TMEM178A: variants seen among roughly 807,000 people sequenced by gnomAD.
The protein encoded by TMEM178A is transmembrane protein 178A.
Under a neutral mutation model 29.1 loss-of-function variants are expected in TMEM178A, and 12 were observed. The observed-to-expected ratio is 0.41, with a 90% CI of 0.26 to 0.67. The LOEUF (loss-of-function observed/expected upper bound fraction) is 0.67. Ranked by LOEUF, TMEM178A falls within the 30% of genes least tolerant of loss-of-function variation. TMEM178A has a pLI of 0.29. For missense variants in TMEM178A, 366 were observed against 419.1 expected, an observed-to-expected ratio of 0.87 and a Z score of 1.11; for synonymous variants, 210 against 187.2, an observed-to-expected ratio of 1.12 and a Z score of -0.99.
chr2:39,732,254 G>C, the TMEM178A span, among the ~76,000 whole-genome samples: 2 of 152,170 alleles, frequency 1.3e-5, no homozygotes, highest in Admixed American at 1.3e-4. Context: ...AACTTGCAGA[G>C]TCATCTGTAA....
rs370203595 is a variant in TMEM178A at position 39,704,049 on chromosome 2, A to G, written c.401-32A>G. On this transcript the variant is annotated intron_variant, in intron 1 of 3. Coordinates refer to ENST00000281961, the MANE Select transcript of TMEM178A (RefSeq NM_152390.3). Reference sequence around the variant, plus strand: ...TCAGAATTCTGTTACAAATAAGCAGACTCGTAAATCGCGTTTCTTATTTCC... The same window carrying G: ...TCAGAATTCTGTTACAAATAAGCAGGCTCGTAAATCGCGTTTCTTATTTCC... 41 of 1,586,570 alleles carry G rather than the reference A, an allele frequency of 2.6e-5. No individual in the cohort carries two copies. The South Asian group carries it at 4.2e-4, about 16-fold the overall frequency.
intron 1 of TMEM178A, among the ~76,000 whole-genome samples, chr2:39,691,683 C>T (rs1365950889): frequency 6.6e-6 from 1 of 152,106 alleles, no homozygotes; most frequent in Middle Eastern, 3.2e-3. Flanking sequence ...AATGTCTACA[C>T]TCCCATGTTC....
chr2:39,725,187 G>A, the TMEM178A span, among the ~76,000 whole-genome samples: 1 of 152,128 alleles, frequency 6.6e-6, no homozygotes, highest in African/African-American at 2.4e-5. Flanking sequence ...AGAGCCATGC[G>A]GGGTGGGACG....
chr2:39,694,170 A>C (rs989366737), intron 1 of TMEM178A, among the ~76,000 whole-genome samples: 4 of 149,864 alleles, frequency 2.7e-5, no homozygotes, highest in African/African-American at 9.8e-5. Context: ...AGTAATAATA[A>C]TAATAATAAT....
At chr2:39,711,056 G>T (rs1672278830) in intron 3 of TMEM178A, among the ~76,000 whole-genome samples, 1 of 152,204 alleles carries the variant, frequency 6.6e-6, no homozygotes, top group South Asian at 2.1e-4. Context: ...CTCCCAGAGA[G>T]CCAGGGGCAG....
At chr2:39,727,873 C>G in the TMEM178A span, among the ~76,000 whole-genome samples, 1 of 152,142 alleles carries the variant, frequency 6.6e-6, no homozygotes, top group Admixed American at 6.5e-5. Context: ...TCATCCATGT[C>G]CCTGCAAAGG....
At chr2:39,669,586 G>T (rs1670324871) in intron 1 of TMEM178A, among the ~76,000 whole-genome samples, 1 of 152,146 alleles carries the variant, frequency 6.6e-6, no homozygotes, top group African/African-American at 2.4e-5. Context: ...AGCCTGGAAT[G>T]GTCTAGGCTT....
chr2:39,682,155 C>T (rs555949407), intron 1 of TMEM178A, among the ~76,000 whole-genome samples: 2 of 152,316 alleles, frequency 1.3e-5, no homozygotes, highest in East Asian at 3.9e-4. Flanking sequence ...ATAGCTAAAA[C>T]CTACCTCTCT....
At chr2:39,682,980 T>C (rs547420817) in intron 1 of TMEM178A, among the ~76,000 whole-genome samples, 1 of 152,268 alleles carries the variant, frequency 6.6e-6, no homozygotes, top group Admixed American at 6.5e-5. Flanking sequence ...CTCCTCAAGA[T>C]AAAGCAGATA....
chr2:39,726,995 C>T, the TMEM178A span, among the ~76,000 whole-genome samples: 1 of 152,178 alleles, frequency 6.6e-6, no homozygotes, highest in Non-Finnish European at 1.5e-5. Flanking sequence ...AAAAGCTGAG[C>T]TCTTCATGCA....
At chr2:39,723,246 T>C in the TMEM178A span, among the ~76,000 whole-genome samples, 2 of 152,226 alleles carry the variant, frequency 1.3e-5, no homozygotes, top group African/African-American at 4.8e-5. Context: ...TTCAAATTCA[T>C]TCCCCACAGG....
chr2:39,704,958 T>C (rs567818021), intron 2 of TMEM178A, among the ~76,000 whole-genome samples: 2 of 152,342 alleles, frequency 1.3e-5, no homozygotes, highest in Non-Finnish European at 2.9e-5. Context: ...TAAGTAAATC[T>C]CTCTGCGGAT....
At position 39,676,957 on chromosome 2, in the gene TMEM178A, A is replaced by G. The variant is rs139297034; in HGVS notation, c.400+10583A>G. Among the ~76,000 whole-genome samples, 562 of 152,298 alleles carry G rather than the reference A, an allele frequency of 3.7e-3. 4 individuals carry two copies. The highest frequency in any genetic ancestry group is 0.013 in the African/African-American group (524 of 41,548). On this transcript the variant is annotated intron_variant, in intron 1 of 3. Transcript: ENST00000281961. ...CTCTTTAATCTCTAGAGATTCAGAG[A>G]TGGCATGGTTGGTTCTAAGGAGGCT... is the stretch of plus-strand genomic sequence containing the variant.
intron 1 of TMEM178A, among the ~76,000 whole-genome samples, chr2:39,701,770 C>A (rs1298246529): frequency 9.2e-5 from 14 of 152,026 alleles, no homozygotes; most frequent in Non-Finnish European, 1.5e-5. Flanking sequence ...TTTCAATGGA[C>A]CTATCTTCAA....
intron 1 of TMEM178A, chr2:39,687,468 A>G (rs1278171115): frequency 6.0e-6 from 1 of 166,918 alleles, no homozygotes; most frequent in Non-Finnish European, 1.5e-5. Context: ...GGGCTCATGC[A>G]TGTCTAGGGC....
chr2:39,673,996 C>T (rs1468755939), intron 1 of TMEM178A, among the ~76,000 whole-genome samples: 1 of 152,174 alleles, frequency 6.6e-6, no homozygotes, highest in Admixed American at 6.5e-5. Context: ...GGGCAGGCTG[C>T]TGGTTAACTT....
chr2:39,669,236 A>G (rs1248586192), intron 1 of TMEM178A, among the ~76,000 whole-genome samples: 1 of 152,196 alleles, frequency 6.6e-6, no homozygotes, highest in Non-Finnish European at 1.5e-5. Flanking sequence ...CTCTGGACCT[A>G]GAGGGCAAAG....
chr2:39,674,592 A>T (rs13422740), intron 1 of TMEM178A, among the ~76,000 whole-genome samples: 6,847 of 152,304 alleles, frequency 0.045, 455 homozygotes, highest in African/African-American at 0.14. Flanking sequence ...GGGTGCACTA[A>T]AATCTCACAA....
intron 1 of TMEM178A, among the ~76,000 whole-genome samples, chr2:39,684,844 T>G (rs1169410686): frequency 6.6e-6 from 1 of 152,144 alleles, no homozygotes; most frequent in Non-Finnish European, 1.5e-5. Flanking sequence ...CCTTCGCTTT[T>G]GCTGTTCCTC....
Sources: gnomAD v4.1 joint callset for allele counts (sites outside exome capture counted in the v4.1 genomes callset) on GRCh38, gnomAD v4.1.1 for gene constraint, MANE v1.5 for transcripts, NCBI Gene and HGNC (gene_info 2026-07-23, HGNC 2026-07-21) for gene names.